The following XKR6 variants were observed in gnomAD, a reference collection of about 807,000 sequenced individuals.
XKR6 encodes the protein XK-related protein 6.
A neutral mutation model predicts 56.7 loss-of-function variants in XKR6; 22 were observed. The observed-to-expected ratio is 0.39, with a 90% confidence interval of 0.28 to 0.55. The LOEUF (loss-of-function observed/expected upper bound fraction) is 0.55. Ranked by LOEUF, XKR6 falls within the 20% of genes least tolerant of loss-of-function variation. The pLI, the probability that XKR6 is intolerant of heterozygous loss-of-function variation, is 0.66. For synonymous variants in XKR6, 524 were observed against 387.8 expected, an observed-to-expected ratio of 1.35 and a Z score of -4.13; for missense variants, 852 against 889.0, an observed-to-expected ratio of 0.96 and a Z score of 0.53.
chr8:11,076,359 T>G (rs1467659741), intron 1 of XKR6, among the ~76,000 whole-genome samples: 1 of 152,182 alleles, frequency 6.6e-6, no homozygotes, highest in African/African-American at 2.4e-5. Flanking sequence ...TTAAAATTGG[T>G]TAGGATTGTA....
At chr8:10,968,001 G>T (rs977688756) in intron 1 of XKR6, among the ~76,000 whole-genome samples, 1 of 152,178 alleles carries the variant, frequency 6.6e-6, no homozygotes, top group Non-Finnish European at 1.5e-5. Flanking sequence ...CTCACTCGGC[G>T]CCCTCCGGGC....
chr8:11,039,807 C>T (rs1008972354), intron 1 of XKR6, among the ~76,000 whole-genome samples: 1 of 152,198 alleles, frequency 6.6e-6, no homozygotes, highest in Non-Finnish European at 1.5e-5. Context: ...CATACAGCCC[C>T]CACCTGACAA....
chr8:10,968,827 G>C (rs1205104579), intron 1 of XKR6, among the ~76,000 whole-genome samples: 1 of 152,246 alleles, frequency 6.6e-6, no homozygotes. Flanking sequence ...GGCTCGGGCA[G>C]TCCAGGGGCT....
At chr8:11,165,541 G>A (rs149841836) in intron 1 of XKR6, among the ~76,000 whole-genome samples, 3 of 152,250 alleles carry the variant, frequency 2.0e-5, no homozygotes, top group Non-Finnish European at 2.9e-5. Flanking sequence ...ATGCTCTCTT[G>A]GGCATCGGCA....
intron 1 of XKR6, among the ~76,000 whole-genome samples, chr8:11,085,009 C>T (rs1010237273): frequency 1.2e-4 from 18 of 152,178 alleles, no homozygotes; most frequent in Non-Finnish European, 2.4e-4. Context: ...TCCAGGTGCA[C>T]CTGCAGTTTC....
intron 1 of XKR6, among the ~76,000 whole-genome samples, chr8:11,178,547 A>AATATATATATATAT (rs373879147): frequency 1.1e-5 from 1 of 88,500 alleles, no homozygotes; most frequent in South Asian, 3.5e-4. Context: ...GAGAGGTAAA[A>AATATATATATATAT]ATATATATAT....
chr8:11,064,865 C>A (rs150832944), intron 1 of XKR6, among the ~76,000 whole-genome samples: 259 of 152,208 alleles, frequency 1.7e-3, no homozygotes, highest in African/African-American at 5.9e-3. Flanking sequence ...GAGCTAAGTG[C>A]AAATAGTGTT....
At chr8:10,908,431 A>T (rs770445171) in intron 2 of XKR6, among the ~76,000 whole-genome samples, 2 of 151,864 alleles carry the variant, frequency 1.3e-5, no homozygotes, top group African/African-American at 4.8e-5. Flanking sequence ...TCCCCCTCCC[A>T]GGAATCTCTG....
intron 2 of XKR6, among the ~76,000 whole-genome samples, chr8:10,916,180 A>G (rs139728304): frequency 9.2e-5 from 14 of 152,340 alleles, no homozygotes; most frequent in African/African-American, 3.4e-4. Flanking sequence ...GGACCAGGTG[A>G]GTCATTATGC....
At chr8:10,959,081 G>T (rs1055976159) in intron 1 of XKR6, among the ~76,000 whole-genome samples, 1 of 152,210 alleles carries the variant, frequency 6.6e-6, no homozygotes, top group African/African-American at 2.4e-5. Context: ...CACCTCTCCT[G>T]GGTCACTTTG....
chr8:11,142,088 T>C (rs898081228), intron 1 of XKR6, among the ~76,000 whole-genome samples: 2 of 151,366 alleles, frequency 1.3e-5, no homozygotes, highest in Admixed American at 1.3e-4. Context: ...AGTAAAAATA[T>C]CAGTATGAAC....
At chr8:10,915,414 A>G (rs1022288684) in intron 2 of XKR6, among the ~76,000 whole-genome samples, 1 of 152,162 alleles carries the variant, frequency 6.6e-6, no homozygotes, top group Non-Finnish European at 1.5e-5. Flanking sequence ...TCTCTGTTCC[A>G]GCATTTCATG....
chr8:10,923,259 A>T (rs1800776161), intron 2 of XKR6, among the ~76,000 whole-genome samples: 1 of 152,200 alleles, frequency 6.6e-6, no homozygotes, highest in Admixed American at 6.5e-5. Flanking sequence ...TCCAAGGGTC[A>T]CACGGCCCCT....
intron 1 of XKR6, among the ~76,000 whole-genome samples, chr8:11,044,472 C>T (rs935658035): frequency 6.6e-6 from 1 of 152,178 alleles, no homozygotes; most frequent in African/African-American, 2.4e-5. Context: ...GCTCTCCTTT[C>T]TAAATTCATC....
At chr8:11,058,050 G>C (rs7821584) in intron 1 of XKR6, among the ~76,000 whole-genome samples, 2 of 152,316 alleles carry the variant, frequency 1.3e-5, no homozygotes, top group South Asian at 2.1e-4. Context: ...ACTTATTTTA[G>C]TCCCAGGATC....
chr8:10,912,234 G>T (rs1264388826), intron 2 of XKR6, among the ~76,000 whole-genome samples: 4 of 143,124 alleles, frequency 2.8e-5, no homozygotes, highest in African/African-American at 7.7e-5. Context: ...GAGAGAGAGG[G>T]AGAGAGAGAG....
At chr8:11,002,086 C>A (rs960094684) in intron 1 of XKR6, among the ~76,000 whole-genome samples, 26 of 144,684 alleles carry the variant, frequency 1.8e-4, no homozygotes, top group Middle Eastern at 3.6e-3. Flanking sequence ...AAAAAACACA[C>A]AAAAAACCTC....
chr8:10,971,848 C>A (rs1028186269), intron 1 of XKR6, among the ~76,000 whole-genome samples: 3 of 152,194 alleles, frequency 2.0e-5, no homozygotes, highest in Admixed American at 1.3e-4. Flanking sequence ...GAATGAGGAA[C>A]TCACCCATTC....
In XKR6 at chr8:10,924,759, G is replaced by A; in HGVS notation, c.836C>T (p.Ala279Val). Residue 279 changes from alanine (A) to valine (V), a missense_variant, in exon 2 of 3, where the codon GCT (alanine) becomes GTT (valine). Ala to Val is a moderately conservative substitution (Grantham distance 64, BLOSUM62 0). This residue lies in a region of XKR6 where 199 missense variants were observed against 280.4 expected (regional missense o/e 0.71). Transcript: ENST00000416569. ...RKEHQRRFYWAMMYEYADVNM... is the reference protein window; with the variant it reads ...RKEHQRRFYWVMMYEYADVNM... ...GACGTCTGCATATTCATACATCATA[G>A]CCCAGTAGAAGCGTCGCTGGTGTTC... 7 of 1,614,106 alleles carry A rather than the reference G, an allele frequency of 4.3e-6. No homozygotes were observed. Among genetic ancestry groups the A allele is most frequent in the Non-Finnish European group, 5.9e-6 (7 of 1,180,010 alleles).
Sources: allele counts gnomAD v4.1 joint callset (sites outside exome capture counted in the v4.1 genomes callset), GRCh38; gene constraint gnomAD v4.1.1; regional missense constraint gnomAD v4.1.1; transcripts MANE v1.5; gene names NCBI Gene and HGNC (gene_info 2026-07-23, HGNC 2026-07-21).